Variants in DGKB observed in about 807,000 individuals in gnomAD.
The protein encoded by DGKB is 90 kDa diacylglycerol kinase.
Under a neutral mutation model 114.3 loss-of-function variants are expected in DGKB, and 67 were observed. That is an observed-to-expected ratio of 0.59 (90% CI 0.48 to 0.72). The LOEUF is 0.72. DGKB is among the 30% of genes least tolerant of loss of function. The pLI, the probability that DGKB is intolerant of heterozygous loss-of-function variation, is 0.00. For synonymous variants in DGKB, 398 were observed against 323.1 expected (o/e 1.23, Z -2.49); for missense variants, 907 against 975.2 (o/e 0.93, Z 0.93).
chr7:14,592,986 A>T (rs1306061157), intron 17 of DGKB, among the ~76,000 whole-genome samples: 1 of 152,026 alleles, frequency 6.6e-6, no homozygotes, highest in African/African-American at 2.4e-5. Flanking sequence ...CTGTTTTGGG[A>T]AGACATTCCA....
At chr7:14,639,030 C>G (rs1473133552) in intron 13 of DGKB, among the ~76,000 whole-genome samples, 3 of 151,620 alleles carry the variant, frequency 2.0e-5, no homozygotes, top group Non-Finnish European at 4.4e-5. Context: ...AAGAGTGAAA[C>G]TCCATCTCAA....
At chr7:14,568,154 C>A (rs866861906) in intron 20 of DGKB, among the ~76,000 whole-genome samples, 25 of 152,108 alleles carry the variant, frequency 1.6e-4, no homozygotes, top group Admixed American at 8.5e-4. Flanking sequence ...AGTGACTATA[C>A]AGACTTCTAT....
At chr7:14,971,101 T>C (rs907094194) in intron 1 of DGKB, among the ~76,000 whole-genome samples, 1 of 152,200 alleles carries the variant, frequency 6.6e-6, no homozygotes, top group Non-Finnish European at 1.5e-5. Context: ...CTCTTCCTGA[T>C]GACTTCAATT....
intron 23 of DGKB, chr7:14,269,126 G>A (rs1394856314): frequency 6.6e-6 from 1 of 152,278 alleles, no homozygotes; most frequent in African/African-American, 2.4e-5. Context: ...GAAAGCCTTA[G>A]CTCCTTGCCA....
intron 20 of DGKB, among the ~76,000 whole-genome samples, chr7:14,560,181 T>A (rs537042796): frequency 6.6e-6 from 1 of 152,272 alleles, no homozygotes; most frequent in African/African-American, 2.4e-5. Context: ...TCTCCTCTCT[T>A]TTTTTATTGT....
chr7:14,426,478 C>T (rs1827544341), intron 21 of DGKB, among the ~76,000 whole-genome samples: 1 of 152,082 alleles, frequency 6.6e-6, no homozygotes, highest in Non-Finnish European at 1.5e-5. Context: ...ACAATAAAGT[C>T]ATGTACCACA....
At chr7:14,953,887 T>C (rs1021574101) in intron 1 of DGKB, among the ~76,000 whole-genome samples, 9 of 152,224 alleles carry the variant, frequency 5.9e-5, no homozygotes, top group Middle Eastern at 3.4e-3. Flanking sequence ...TGGTTCTTAA[T>C]GTATGGGCCC....
At chr7:14,352,825 A>G (rs1813727295) in intron 21 of DGKB, among the ~76,000 whole-genome samples, 1 of 152,132 alleles carries the variant, frequency 6.6e-6, no homozygotes, top group Non-Finnish European at 1.5e-5. Context: ...CGGGAGGCTG[A>G]GGCAGGAGAA....
intron 1 of DGKB, among the ~76,000 whole-genome samples, chr7:14,934,092 C>G (rs374986644): frequency 6.6e-6 from 1 of 152,092 alleles, no homozygotes; most frequent in Non-Finnish European, 1.5e-5. Context: ...GATCAATTCC[C>G]TCAGGAAAAA....
chr7:14,724,271 T>G (rs1251953175), intron 5 of DGKB, among the ~76,000 whole-genome samples: 1 of 152,192 alleles, frequency 6.6e-6, no homozygotes, highest in African/African-American at 2.4e-5. Flanking sequence ...ATAAAAATAG[T>G]TGATATTAGT....
chr7:14,319,949 C>T (rs770043529), intron 23 of DGKB, among the ~76,000 whole-genome samples: 1 of 152,160 alleles, frequency 6.6e-6, no homozygotes, highest in Non-Finnish European at 1.5e-5. Context: ...CCTTGGGCTA[C>T]TCTCTATACA....
chr7:14,958,477 C>CACACACACACACACACT (rs1562903995), intron 1 of DGKB, among the ~76,000 whole-genome samples: 1 of 84,754 alleles, frequency 1.2e-5, no homozygotes, highest in Non-Finnish European at 2.4e-5. Context: ...ACACACACAC[C>CACACACACACACACACT]CCGTCCAGGA....
intron 20 of DGKB, among the ~76,000 whole-genome samples, chr7:14,500,152 G>C (rs1208864723): frequency 3.3e-5 from 5 of 151,308 alleles, no homozygotes; most frequent in Non-Finnish European, 7.4e-5. Flanking sequence ...TATTTTATTT[G>C]CTGTAAATCC....
chr7:14,159,750 A>G (rs1783575632), intron 25 of DGKB, among the ~76,000 whole-genome samples: 1 of 152,124 alleles, frequency 6.6e-6, no homozygotes, highest in South Asian at 2.1e-4. Flanking sequence ...GCTCATTGCA[A>G]CCACCCCCGT....
intron 1 of DGKB, among the ~76,000 whole-genome samples, chr7:14,943,206 T>C (rs1406582328): frequency 6.6e-6 from 1 of 151,986 alleles, no homozygotes; most frequent in African/African-American, 2.4e-5. Flanking sequence ...TATAACATTG[T>C]TCCTAGATAC....
chr7:14,226,544 A>G (rs183658395), intron 23 of DGKB, among the ~76,000 whole-genome samples: 33 of 152,132 alleles, frequency 2.2e-4, no homozygotes, highest in African/African-American at 7.5e-4. Flanking sequence ...GGCATTCTGC[A>G]ATATCTCTTT....
At chr7:14,857,552 A>C (rs1219962722) in intron 1 of DGKB, among the ~76,000 whole-genome samples, 1 of 152,170 alleles carries the variant, frequency 6.6e-6, no homozygotes, top group Admixed American at 6.6e-5. Context: ...AACATAAAGT[A>C]ATAGAATGTT....
intron 21 of DGKB, among the ~76,000 whole-genome samples, chr7:14,347,786 G>A (rs1454260836): frequency 6.6e-6 from 1 of 151,950 alleles, no homozygotes; most frequent in African/African-American, 2.4e-5. Context: ...GTAGTAGATT[G>A]TAAGTTTCTA....
At chr7:14,594,104 A>C (rs1802144598) in intron 17 of DGKB, among the ~76,000 whole-genome samples, 1 of 152,086 alleles carries the variant, frequency 6.6e-6, no homozygotes, top group African/African-American at 2.4e-5. Flanking sequence ...GAGATCTTTA[A>C]ACTAACTTTG....
Sources: allele counts gnomAD v4.1 joint callset (sites outside exome capture counted in the v4.1 genomes callset), GRCh38; gene constraint gnomAD v4.1.1; transcripts MANE v1.5; gene names NCBI Gene and HGNC (gene_info 2026-07-23, HGNC 2026-07-21).